The following FNDC3B variants were observed in gnomAD, a reference collection of about 807,000 sequenced individuals.
FNDC3B encodes the protein fibronectin type III domain containing 3B.
A neutral mutation model predicts 151.5 loss-of-function variants in FNDC3B; 12 were observed. The ratio of observed to expected loss-of-function variants is 0.08; its 90% CI spans 0.05 to 0.13. FNDC3B has a LOEUF of 0.13. Among genes scored for constraint, FNDC3B ranks in the 10% least tolerant of loss-of-function variants. The probability of loss-of-function intolerance (pLI) is 1.00; values close to 1 mark genes in which losing one functional copy is unlikely to be tolerated. For synonymous variants in FNDC3B, 528 were observed against 549.0 expected (o/e 0.96, Z 0.54); for missense variants, 1,214 against 1,505.3 (o/e 0.81, Z 3.20).
intron 13 of FNDC3B, among the ~76,000 whole-genome samples, chr3:172,332,393 A>C (rs540837925): frequency 6.6e-6 from 1 of 152,324 alleles, no homozygotes; most frequent in African/African-American, 2.4e-5. Context: ...ACCTAGCTTT[A>C]GTTTTTGTCA....
intron 23 of FNDC3B, among the ~76,000 whole-genome samples, chr3:172,376,849 TA>T (rs752232518): frequency 0.056 from 6,581 of 117,714 alleles, 177 homozygotes; most frequent in Admixed American, 0.084. Context: ...CAGGCTTTGT[TA>T]AAAAAAAAAA....
intron 1 of FNDC3B, among the ~76,000 whole-genome samples, chr3:172,080,148 C>T (rs1718206659): frequency 6.6e-6 from 1 of 152,120 alleles, no homozygotes; most frequent in African/African-American, 2.4e-5. Context: ...TGCCTTGTAT[C>T]CAGGGCTTTG....
At chr3:172,145,678 G>A (rs770476895) in intron 3 of FNDC3B, among the ~76,000 whole-genome samples, 6 of 152,304 alleles carry the variant, frequency 3.9e-5, no homozygotes, top group Middle Eastern at 3.4e-3. Context: ...TCATTGGGAC[G>A]TAACTCGGTC....
At chr3:172,249,011 T>A (rs1727931019) in intron 5 of FNDC3B, among the ~76,000 whole-genome samples, 1 of 152,104 alleles carries the variant, frequency 6.6e-6, no homozygotes, top group Non-Finnish European at 1.5e-5. Flanking sequence ...ATCAATTTGA[T>A]CTTTTTTCCA....
rs574669642 is a variant in FNDC3B at position 172,261,338 on chromosome 3, G to A, written c.790+9797G>A. Among the ~76,000 whole-genome samples the A allele has an allele frequency of 8.5e-5, 13 of 152,258 alleles. No individual in the cohort carries two copies. In the South Asian group the frequency reaches 2.5e-3, roughly 29 times the overall value. On this transcript the variant is annotated intron_variant, in intron 6 of 25. Coordinates refer to ENST00000415807, the MANE Select transcript of FNDC3B (RefSeq NM_022763.4). The stretch of plus-strand genomic sequence containing the variant: ...AATTTCCTGCTGCTATGTCAACATC[G>A]ATTTTGTCATTGCTTCTCCTTCTGT...
intron 3 of FNDC3B, among the ~76,000 whole-genome samples, chr3:172,161,766 T>C (rs1026019236): frequency 6.6e-6 from 1 of 152,192 alleles, no homozygotes; most frequent in African/African-American, 2.4e-5. Context: ...TGGTTTCATA[T>C]ATTGTGTATC....
chr3:172,291,647 T>G (rs1426167327), intron 7 of FNDC3B, among the ~76,000 whole-genome samples: 1 of 152,196 alleles, frequency 6.6e-6, no homozygotes, highest in Non-Finnish European at 1.5e-5. Context: ...TCCAATAATT[T>G]TATAACTACA....
chr3:172,120,396 T>G (rs1361511212), intron 2 of FNDC3B, among the ~76,000 whole-genome samples: 1 of 152,170 alleles, frequency 6.6e-6, no homozygotes, highest in East Asian at 1.9e-4. Flanking sequence ...CTGATTTCCT[T>G]GTTAACTCAG....
chr3:172,260,224 A>G (rs529850480), intron 6 of FNDC3B, among the ~76,000 whole-genome samples: 28 of 152,338 alleles, frequency 1.8e-4, no homozygotes, highest in South Asian at 6.2e-4. Context: ...TGAAACTTCT[A>G]TATGTTATTT....
At position 172,334,808 on chromosome 3, in the gene FNDC3B, CTTGAG is replaced by C. The variant is rs1732865907; in HGVS notation, c.1642-131_1642-127del. 5.7e-6 allele frequency: 4 copies of C among 705,746 alleles called. No individual in the cohort carries two copies. In the Admixed American group the frequency reaches 1.0e-4, roughly 18 times the overall value. The allele number at this position is 705,746 out of a possible 1,614,324, so 43.7% of individuals were successfully genotyped here. A position where few individuals can be genotyped will look rare whatever the true frequency, so the allele number is the denominator to read the frequency against. On this transcript the variant is annotated intron_variant, in intron 14 of 25. Transcript: ENST00000415807. ...ATTTATAAAATAAATACTGTTAATA[CTTGAG>C]TTGAAAGAGAAAAAAATGTGTGTGT... is the stretch of plus-strand genomic sequence containing the variant.
intron 1 of FNDC3B, among the ~76,000 whole-genome samples, chr3:172,107,015 GC>G: frequency 6.6e-6 from 1 of 152,172 alleles, no homozygotes; most frequent in East Asian, 1.9e-4. Flanking sequence ...AGAGTGTCCT[GC>G]CCCAAACCCT....
intron 13 of FNDC3B, among the ~76,000 whole-genome samples, chr3:172,331,029 A>G (rs1158390361): frequency 6.6e-6 from 1 of 152,172 alleles, no homozygotes; most frequent in Admixed American, 6.5e-5. Flanking sequence ...CTATCCTTTT[A>G]TGAGCCACTC....
At chr3:172,372,493 T>C (rs1174643475) in intron 23 of FNDC3B, among the ~76,000 whole-genome samples, 2 of 152,240 alleles carry the variant, frequency 1.3e-5, no homozygotes, top group South Asian at 2.1e-4. Flanking sequence ...GTTGCTTTTG[T>C]CAGCAAGCGT....
intron 3 of FNDC3B, among the ~76,000 whole-genome samples, chr3:172,209,932 C>T (rs1338467825): frequency 6.6e-6 from 1 of 152,248 alleles, no homozygotes; most frequent in African/African-American, 2.4e-5. Flanking sequence ...TCAGTGCTGC[C>T]CTGAGCACAC....
chr3:172,045,248 G>T (rs1405648203), intron 1 of FNDC3B, among the ~76,000 whole-genome samples: 1 of 152,170 alleles, frequency 6.6e-6, no homozygotes, highest in Non-Finnish European at 1.5e-5. Flanking sequence ...CCAAGCTTTA[G>T]ATGTTGTATT....
At chr3:172,331,974 T>G (rs879742318) in intron 13 of FNDC3B, among the ~76,000 whole-genome samples, 2 of 152,114 alleles carry the variant, frequency 1.3e-5, no homozygotes, top group Non-Finnish European at 2.9e-5. Flanking sequence ...GGGTTTGTGC[T>G]TGTTTGTTTG....
intron 3 of FNDC3B, among the ~76,000 whole-genome samples, chr3:172,219,115 T>C (rs1258186217): frequency 6.6e-6 from 1 of 152,252 alleles, no homozygotes; most frequent in Non-Finnish European, 1.5e-5. Flanking sequence ...GTGAGACTTC[T>C]ACTATATCCT....
intron 3 of FNDC3B, among the ~76,000 whole-genome samples, chr3:172,164,677 CAT>C (rs1559996453): frequency 6.6e-6 from 1 of 152,342 alleles, no homozygotes; most frequent in East Asian, 1.9e-4. Context: ...GAATACTCAG[CAT>C]ATGACTTCTA....
intron 3 of FNDC3B, among the ~76,000 whole-genome samples, chr3:172,204,677 T>A (rs536061004): frequency 6.6e-6 from 1 of 152,296 alleles, no homozygotes; most frequent in East Asian, 1.9e-4. Context: ...GAAAATAAAG[T>A]GGGTTTTTTT....
Sources: allele counts gnomAD v4.1 joint callset (sites outside exome capture counted in the v4.1 genomes callset), GRCh38; gene constraint gnomAD v4.1.1; transcripts MANE v1.5; gene names NCBI Gene and HGNC (gene_info 2026-07-23, HGNC 2026-07-21).